PCDHA2: variants seen among roughly 807,000 people sequenced by gnomAD.
The protein encoded by PCDHA2 is protocadherin alpha 2, also known as protocadherin alpha-2.
PCDHA2 carries 58 observed loss-of-function variants against 66.0 expected under a neutral mutation model. The observed-to-expected ratio is 0.88, with a 90% CI of 0.71 to 1.09. The LOEUF is 1.09. Ranked by LOEUF, PCDHA2 falls within the 50% of genes least tolerant of loss-of-function variation. The pLI, the probability that PCDHA2 is intolerant of heterozygous loss-of-function variation, is 0.00. For missense variants in PCDHA2, 1,267 were observed against 1,242.3 expected (o/e 1.02, Z -0.30); for synonymous variants, 634 against 554.0 (o/e 1.14, Z -2.03).
intron 1 of PCDHA2, chr5:140,843,594 T>G: frequency 6.3e-7 from 1 of 1,595,928 alleles, no homozygotes; most frequent in Middle Eastern, 1.7e-4. Context: ...CCGCAGAGGG[T>G]GTGCTCTGGT....
At chr5:140,816,262 C>T (rs1765873375) in intron 1 of PCDHA2, 1 of 152,144 alleles carries the variant, frequency 6.6e-6, no homozygotes, top group Non-Finnish European at 1.5e-5. Context: ...TTCACTGACT[C>T]ATTCTTCTAC....
intron 1 of PCDHA2, among the ~76,000 whole-genome samples, chr5:140,898,214 T>C (rs1285649893): frequency 1.3e-5 from 2 of 152,238 alleles, no homozygotes; most frequent in African/African-American, 4.8e-5. Flanking sequence ...TTTGTCAATT[T>C]TGGCTTTTGT....
intron 1 of PCDHA2, among the ~76,000 whole-genome samples, chr5:140,939,231 G>A (rs1305244022): frequency 6.6e-6 from 1 of 152,134 alleles, no homozygotes; most frequent in East Asian, 1.9e-4. Context: ...TCACCTTCTG[G>A]AAGGAGCAAG....
At chr5:140,829,826 G>A (rs2150175496) in intron 1 of PCDHA2, 2 of 1,613,796 alleles carry the variant, frequency 1.2e-6, no homozygotes, top group South Asian at 1.1e-5. Context: ...TGCAGTGAGC[G>A]AGCTGGTGCC....
chr5:140,822,759 A>G, intron 1 of PCDHA2: 2 of 1,614,030 alleles, frequency 1.2e-6, no homozygotes, highest in Non-Finnish European at 1.7e-6. Context: ...GTACATTCCC[A>G]TTATCAGGAC....
At chr5:140,827,320 A>C (rs1554130752) in intron 1 of PCDHA2, among the ~76,000 whole-genome samples, 1 of 152,256 alleles carries the variant, frequency 6.6e-6, no homozygotes, top group Non-Finnish European at 1.5e-5. Context: ...AAATTCCACT[A>C]GAATTTGAAG....
At chr5:140,963,275 A>G (rs2095752915) in intron 1 of PCDHA2, among the ~76,000 whole-genome samples, 1 of 152,160 alleles carries the variant, frequency 6.6e-6, no homozygotes, top group Non-Finnish European at 1.5e-5. Flanking sequence ...AAATGTATGT[A>G]AGATTTTATA....
At chr5:140,834,972 C>T (rs1275898995) in intron 1 of PCDHA2, 3 of 1,500,634 alleles carry the variant, frequency 2.0e-6, no homozygotes, top group East Asian at 4.8e-5. Context: ...ACTTGTATTA[C>T]GGAAACTTTT....
At chr5:141,004,705 C>T (rs535016776) in intron 3 of PCDHA2, among the ~76,000 whole-genome samples, 5 of 152,154 alleles carry the variant, frequency 3.3e-5, no homozygotes, top group Admixed American at 6.5e-5. Context: ...TTTTAGGTGC[C>T]GAATCAGAGG....
chr5:140,857,296 G>C (rs2044488261), intron 1 of PCDHA2: 3 of 1,598,562 alleles, frequency 1.9e-6, no homozygotes, highest in Admixed American at 3.4e-5. Flanking sequence ...ACCGCGAGAG[G>C]GTGTCGGCCT....
intron 1 of PCDHA2, chr5:140,875,336 G>T: frequency 7.0e-7 from 1 of 1,438,564 alleles, no homozygotes; most frequent in Non-Finnish European, 9.1e-7. Context: ...GAATAGGATC[G>T]ACTCCATAAT....
chr5:140,836,281 C>A, intron 1 of PCDHA2: 2 of 1,613,732 alleles, frequency 1.2e-6, no homozygotes, highest in Non-Finnish European at 1.7e-6. Flanking sequence ...GAGATCAGCA[C>A]GACACGAGCC....
chr5:141,001,017 A>G (rs1414857051), intron 3 of PCDHA2, among the ~76,000 whole-genome samples: 2 of 152,240 alleles, frequency 1.3e-5, no homozygotes, highest in Admixed American at 1.3e-4. Flanking sequence ...TTAGATATAC[A>G]CTTATAATAA....
intron 3 of PCDHA2, among the ~76,000 whole-genome samples, chr5:140,993,043 A>G (rs1402138607): frequency 1.3e-5 from 2 of 152,186 alleles, no homozygotes; most frequent in Non-Finnish European, 2.9e-5. Context: ...TGTGTCATCA[A>G]GATGTCAATC....
intron 1 of PCDHA2, among the ~76,000 whole-genome samples, chr5:140,819,420 C>T (rs1394796669): frequency 6.6e-6 from 1 of 152,078 alleles, no homozygotes; most frequent in Non-Finnish European, 1.5e-5. Context: ...CTTTAATATA[C>T]TACACAGTTT....
At chr5:140,806,254 A>G (rs1424134270) in intron 1 of PCDHA2, among the ~76,000 whole-genome samples, 1 of 152,206 alleles carries the variant, frequency 6.6e-6, no homozygotes, top group Non-Finnish European at 1.5e-5. Context: ...AAGCTATTGG[A>G]AGCAGGAAAT....
At chr5:140,968,986 A>ATGCTGTGGAGGC (rs782197469) in intron 1 of PCDHA2, 25 of 1,614,206 alleles carry the variant, frequency 1.5e-5, no homozygotes, top group Non-Finnish European at 1.9e-5. Flanking sequence ...ATGGCACTGC[A>ATGCTGTGGAGGC]TGCTGTGGAG....
chr5:140,836,436 G>A (rs1195331479), intron 1 of PCDHA2: 3 of 1,613,702 alleles, frequency 1.9e-6, no homozygotes, highest in Non-Finnish European at 2.5e-6. Context: ...GGCATCGTTG[G>A]GCATTGCAGG....
chr5:140,895,225 G>GT, intron 1 of PCDHA2, among the ~76,000 whole-genome samples: 1 of 152,168 alleles, frequency 6.6e-6, no homozygotes, highest in African/African-American at 2.4e-5. Context: ...ATTTTACTGA[G>GT]TTTTCTCATC....
Sources: allele counts gnomAD v4.1 joint callset (sites outside exome capture counted in the v4.1 genomes callset), GRCh38; gene constraint gnomAD v4.1.1; transcripts MANE v1.5; gene names NCBI Gene and HGNC (gene_info 2026-07-23, HGNC 2026-07-21).